NCKAP5: variants seen among roughly 807,000 people sequenced by gnomAD.
The protein encoded by NCKAP5 is NCK associated protein 5.
A neutral mutation model predicts 167.0 loss-of-function variants in NCKAP5; 92 were observed. The ratio of observed to expected loss-of-function variants is 0.55; its 90% confidence interval spans 0.47 to 0.66. The LOEUF (loss-of-function observed/expected upper bound fraction) is 0.66, where lower values mean the gene tolerates loss of function less well. NCKAP5 is among the 30% of genes least tolerant of loss of function. The pLI is 0.00. For synonymous variants in NCKAP5, 891 were observed against 877.4 expected (o/e 1.02, Z -0.27); for missense variants, 2,378 against 2,315.0 (o/e 1.03, Z -0.56).
intron 6 of NCKAP5, among the ~76,000 whole-genome samples, chr2:133,002,325 T>C (rs187062007): frequency 1.8e-3 from 267 of 152,342 alleles, no homozygotes; most frequent in Middle Eastern, 3.4e-3. Context: ...TAAAGTTTAA[T>C]GTACAAATTA....
At chr2:133,629,054 T>C in the NCKAP5 span, among the ~76,000 whole-genome samples, 4 of 152,110 alleles carry the variant, frequency 2.6e-5, no homozygotes, top group Admixed American at 2.6e-4. Context: ...ATCTAGGCAA[T>C]ACCATTCAGG....
chr2:133,327,915 T>C (rs532725022), intron 3 of NCKAP5, among the ~76,000 whole-genome samples: 1 of 152,228 alleles, frequency 6.6e-6, no homozygotes, highest in African/African-American at 2.4e-5. Context: ...TGGCTGTTAG[T>C]GGGTAGGAGC....
intron 8 of NCKAP5, among the ~76,000 whole-genome samples, chr2:132,895,816 C>CAAAAAAAAAAAAAAAAAAAAAAAAAAAA (rs59012786): frequency 1.9e-5 from 2 of 105,254 alleles, no homozygotes; most frequent in Non-Finnish European, 4.0e-5. Context: ...GAGAAGGACT[C>CAAAAAAAAAAAAAAAAAAAAAAAAAAAA]AAAAAAAAAA....
chr2:132,924,723 AC>A (rs1291787791), intron 8 of NCKAP5, among the ~76,000 whole-genome samples: 1 of 152,188 alleles, frequency 6.6e-6, no homozygotes, highest in African/African-American at 2.4e-5. Flanking sequence ...ATTTCATTTG[AC>A]TAAGCTTAGT....
the NCKAP5 span, among the ~76,000 whole-genome samples, chr2:133,605,907 C>T: frequency 1.3e-5 from 2 of 152,144 alleles, no homozygotes; most frequent in South Asian, 4.1e-4. Flanking sequence ...CTCTGAGGCT[C>T]TGTGCTTCAA....
chr2:133,148,424 C>G (rs183629390), intron 5 of NCKAP5, among the ~76,000 whole-genome samples: 2 of 152,224 alleles, frequency 1.3e-5, no homozygotes, highest in African/African-American at 4.8e-5. Context: ...ACATTTCACA[C>G]TCTTAATGTT....
At chr2:133,159,135 A>G (rs1488164156) in intron 5 of NCKAP5, among the ~76,000 whole-genome samples, 1 of 151,998 alleles carries the variant, frequency 6.6e-6, no homozygotes, top group East Asian at 2.0e-4. Flanking sequence ...AGATGCAGCA[A>G]AAGAAGAAGT....
intron 11 of NCKAP5, among the ~76,000 whole-genome samples, chr2:132,842,792 G>A (rs1242363993): frequency 2.6e-5 from 4 of 151,582 alleles, no homozygotes; most frequent in Admixed American, 6.6e-5. Context: ...CTTCTGCCTC[G>A]GCCTCCCAAG....
rs145071005 is a variant in NCKAP5 at position 132,811,860 on chromosome 2, C to T, written c.808-15131G>A. Among the ~76,000 whole-genome samples the T allele has an allele frequency of 2.0e-4, 30 of 152,282 alleles. No individual in the cohort carries two copies. The East Asian group carries it at 3.7e-3, about 19-fold the overall frequency. On this transcript the variant is annotated intron_variant, in intron 11 of 19. Transcript: ENST00000409261. ...CTTCTTCCTGTGGAGTTTTACCCCCCGCTCCTCTGGCCACCTTCCTGATGG... is the reference window on the plus strand; with the variant it reads ...CTTCTTCCTGTGGAGTTTTACCCCCTGCTCCTCTGGCCACCTTCCTGATGG...
At chr2:133,615,855 T>C in the NCKAP5 span, among the ~76,000 whole-genome samples, 1 of 152,082 alleles carries the variant, frequency 6.6e-6, no homozygotes, top group Non-Finnish European at 1.5e-5. Context: ...TACATTTTTT[T>C]CAGCACCACA....
chr2:133,503,802 G>A (rs1682754929), intron 3 of NCKAP5, among the ~76,000 whole-genome samples: 1 of 152,184 alleles, frequency 6.6e-6, no homozygotes, highest in Non-Finnish European at 1.5e-5. Flanking sequence ...TTACCAAAGA[G>A]TTTCTCTGGA....
chr2:133,254,360 C>G (rs569012159), intron 4 of NCKAP5, among the ~76,000 whole-genome samples: 1 of 151,980 alleles, frequency 6.6e-6, no homozygotes, highest in Non-Finnish European at 1.5e-5. Flanking sequence ...CTTTCCATGT[C>G]TGATGCTTCA....
chr2:132,950,954 C>T (rs1199906219), intron 8 of NCKAP5, among the ~76,000 whole-genome samples: 7 of 152,152 alleles, frequency 4.6e-5, no homozygotes, highest in Admixed American at 2.6e-4. Context: ...GGTATTTTTC[C>T]TGTTTCTAAG....
Position 132,782,446 on chromosome 2 carries a change from A to G in NCKAP5, c.4365T>C (p.Ser1455=). 1 of 1,613,772 alleles carries G rather than the reference A, an allele frequency of 6.2e-7. No individual in the cohort carries two copies. Among genetic ancestry groups the G allele is most frequent in the Non-Finnish European group, 8.5e-7 (1 of 1,179,840 alleles). The change falls in exon 14 of 20, where the codon TCT becomes TCC. Residue 1455 remains serine (S), a synonymous_variant. Transcript: ENST00000409261. ...LETSGRHPDA[S]ATATDAVSSE... is the part of the protein sequence containing the mutation. ...AACTCACAGCATCAGTCGCGGTTGCAGAGGCATCTGGATGCCTTCCAGAAG... is the reference window on the plus strand; with the variant it reads ...AACTCACAGCATCAGTCGCGGTTGCGGAGGCATCTGGATGCCTTCCAGAAG...
chr2:133,647,815 CGGGAA>C, the NCKAP5 span, among the ~76,000 whole-genome samples: 1 of 151,000 alleles, frequency 6.6e-6, no homozygotes, highest in African/African-American at 2.4e-5. Flanking sequence ...CGGGAGGAGA[CGGGAA>C]GGGCAGGGCA....
chr2:133,611,264 C>T, the NCKAP5 span, among the ~76,000 whole-genome samples: 1 of 151,348 alleles, frequency 6.6e-6, no homozygotes, highest in South Asian at 2.1e-4. Flanking sequence ...TCAACCTCCA[C>T]CCGCCACCCG....
chr2:133,003,117 G>C (rs1448190759), intron 6 of NCKAP5, among the ~76,000 whole-genome samples: 2 of 152,204 alleles, frequency 1.3e-5, no homozygotes, highest in Non-Finnish European at 2.9e-5. Flanking sequence ...AAAGGTTCTA[G>C]ATTCAATCCC....
intron 7 of NCKAP5, among the ~76,000 whole-genome samples, chr2:132,968,656 T>C (rs2149224814): frequency 6.6e-6 from 1 of 152,264 alleles, no homozygotes; most frequent in African/African-American, 2.4e-5. Flanking sequence ...CTCTACATTT[T>C]GTAATAAGAA....
At position 133,534,997 on chromosome 2, in the gene NCKAP5, C is replaced by T. The variant is rs188633799; in HGVS notation, c.-61-17410G>A. 1.1e-4 allele frequency among the ~76,000 whole-genome samples: 17 copies of T among 152,198 alleles called. No homozygotes were observed. In the East Asian group the frequency reaches 3.3e-3, roughly 29 times the overall value. ...CATCTTTTCAACAGTTGTTGCTGCC[C>T]ACCTTCTTTTTTTAACTATAGCCAC... is the stretch of plus-strand genomic sequence containing the variant. On this transcript the variant is annotated intron_variant, in intron 2 of 19. Coordinates refer to ENST00000409261, the MANE Select transcript of NCKAP5 (RefSeq NM_207363.3).
Sources: allele counts gnomAD v4.1 joint callset (sites outside exome capture counted in the v4.1 genomes callset), GRCh38; gene constraint gnomAD v4.1.1; transcripts MANE v1.5; gene names NCBI Gene and HGNC (gene_info 2026-07-23, HGNC 2026-07-21).